ZDHHC11B: variants seen among roughly 807,000 people sequenced by gnomAD.
The protein encoded by ZDHHC11B is zDHHC palmitoyltransferase 11B (putative), also known as probable palmitoyltransferase ZDHHC11B.
A neutral mutation model predicts 42.3 loss-of-function variants in ZDHHC11B; 17 were observed. The ratio of observed to expected loss-of-function variants is 0.40; its 90% CI spans 0.27 to 0.60. The LOEUF (loss-of-function observed/expected upper bound fraction) is 0.60, where lower values mean the gene tolerates loss of function less well. Among genes scored for constraint, ZDHHC11B ranks in the 20% least tolerant of loss-of-function variants. The probability of loss-of-function intolerance (pLI) is 0.41; values close to 1 mark genes in which losing one functional copy is unlikely to be tolerated. For synonymous variants in ZDHHC11B, 123 were observed against 193.5 expected, an observed-to-expected ratio of 0.64 and a Z score of 3.02; for missense variants, 262 against 463.2, an observed-to-expected ratio of 0.57 and a Z score of 3.99.
At chr5:738,630 T>TTCAAA (rs1472491079) in intron 10 of ZDHHC11B, among the ~76,000 whole-genome samples, 1 of 72,938 alleles carries the variant, frequency 1.4e-5, no homozygotes, top group African/African-American at 4.6e-5. Context: ...AGAGAACCCA[T>TTCAAA]AAATAAAGGC....
intron 9 of ZDHHC11B, among the ~76,000 whole-genome samples, chr5:741,939 T>C (rs1744207377): frequency 1.6e-5 from 2 of 123,822 alleles, no homozygotes; most frequent in South Asian, 6.6e-4. Flanking sequence ...GCAATTTCTC[T>C]ACAACTTCAC....
At chr5:736,799 A>T (rs9637833) in intron 10 of ZDHHC11B, among the ~76,000 whole-genome samples, 86,225 of 121,348 alleles carry the variant, frequency 0.71, 27,925 homozygotes, top group Middle Eastern at 0.8. Context: ...TCAAAACCTC[A>T]AGGACACAGC....
intron 10 of ZDHHC11B, among the ~76,000 whole-genome samples, chr5:737,427 G>A (rs1473897607): frequency 6.7e-6 from 1 of 149,254 alleles, no homozygotes; most frequent in African/African-American, 2.5e-5. Context: ...AAAGATAAGA[G>A]GGAATCGTCC....
chr5:719,834 A>C (rs1309927802), intron 12 of ZDHHC11B, among the ~76,000 whole-genome samples: 1 of 151,752 alleles, frequency 6.6e-6, no homozygotes, highest in Non-Finnish European at 1.5e-5. Context: ...AATAATATTA[A>C]ATGGAAAATT....
At chr5:727,590 G>A (rs1227290390) in intron 12 of ZDHHC11B, among the ~76,000 whole-genome samples, 5 of 140,224 alleles carry the variant, frequency 3.6e-5, no homozygotes, top group South Asian at 2.5e-4. Flanking sequence ...AAAACAGCAC[G>A]GTTTAGGACA....
intron 12 of ZDHHC11B, 50 bp downstream of exon 12, chr5:730,384 A>T (rs764071035): frequency 6.4e-7 from 1 of 1,551,896 alleles, no homozygotes; most frequent in African/African-American, 1.4e-5. Flanking sequence ...ATTTGAGTTC[A>T]GGCAAGTGTA....
At chr5:752,092 G>C (rs1745853901) in intron 6 of ZDHHC11B, among the ~76,000 whole-genome samples, 1 of 124,642 alleles carries the variant, frequency 8.0e-6, no homozygotes, top group African/African-American at 2.6e-5. Flanking sequence ...CCCTCAGGGG[G>C]CCCTGAGCAT....
rs184855500 is a variant in ZDHHC11B at position 757,102 on chromosome 5, C to T, written c.223-958G>A. ...TCCTCCTCTCACCCTGGGACAAACA[C>T]AGACTCCCCATGGCAACCAAATAGA... On this transcript the variant is annotated intron_variant, in intron 4 of 13. Transcript: ENST00000508859. 3.9e-5 allele frequency among the ~76,000 whole-genome samples: 6 copies of T among 151,942 alleles called. No homozygotes were observed. In the East Asian group the frequency reaches 1.2e-3, roughly 29 times the overall value.
intron 4 of ZDHHC11B, among the ~76,000 whole-genome samples, chr5:764,768 C>A (rs1735058223): frequency 6.6e-6 from 1 of 151,966 alleles, no homozygotes; most frequent in Non-Finnish European, 1.5e-5. Context: ...GACTGGCAGG[C>A]AGCTCCACCT....
At chr5:761,319 A>T (rs1579403381) in intron 4 of ZDHHC11B, among the ~76,000 whole-genome samples, 3 of 151,846 alleles carry the variant, frequency 2.0e-5, no homozygotes, top group Admixed American at 2.0e-4. Context: ...TCACTGCAGG[A>T]CACCCGGGGC....
chr5:783,277 G>A (rs1432840082), intron 1 of ZDHHC11B, among the ~76,000 whole-genome samples: 135 of 152,298 alleles, frequency 8.9e-4, no homozygotes, highest in Non-Finnish European at 1.5e-3. Context: ...GGAGGCGCTG[G>A]CACCGAGCGG....
At chr5:720,858 C>T (rs183539140) in intron 12 of ZDHHC11B, among the ~76,000 whole-genome samples, 5 of 151,688 alleles carry the variant, frequency 3.3e-5, no homozygotes, top group Admixed American at 1.3e-4. Flanking sequence ...CTCCTGTAAT[C>T]CTAGCCTTTG....
At chr5:776,823 G>A (rs1398321380) in intron 1 of ZDHHC11B, among the ~76,000 whole-genome samples, 2 of 151,812 alleles carry the variant, frequency 1.3e-5, no homozygotes, top group East Asian at 1.9e-4. Context: ...CCTTATTTCA[G>A]AGCCCATTTG....
At chr5:771,273 T>A (rs1736008606) in intron 1 of ZDHHC11B, among the ~76,000 whole-genome samples, 1 of 151,512 alleles carries the variant, frequency 6.6e-6, no homozygotes, top group South Asian at 2.1e-4. Context: ...GAACTTGAGA[T>A]CCCACAAATT....
At chr5:767,066 TC>T (rs1165429954) in intron 3 of ZDHHC11B, 147 bp from the exon 4 acceptor site, 4 of 1,056,284 alleles carry the variant, frequency 3.8e-6, no homozygotes, top group Non-Finnish European at 2.7e-6. Context: ...GGGGCCACGT[TC>T]CCCGCAGAGG....
At chr5:765,191 G>A (rs557188679) in intron 4 of ZDHHC11B, among the ~76,000 whole-genome samples, 2 of 150,858 alleles carry the variant, frequency 1.3e-5, no homozygotes, top group Non-Finnish European at 3.0e-5. Context: ...ATCTGGTGGG[G>A]ACTTGGAGAA....
In ZDHHC11B at chr5:746,468, T is replaced by C. The variant is rs383433; in HGVS notation, c.785-1170A>G. ...TCCTGCTTCCAGGCATCCTGCCTCC[T>C]GCCCACAGCAGCCGCCTGCCTGTCC... On this transcript the variant is annotated intron_variant, in intron 8 of 13. Coordinates refer to ENST00000508859, the MANE Select transcript of ZDHHC11B (RefSeq NM_001351303.2). 6.1e-3 allele frequency among the ~76,000 whole-genome samples: 757 copies of C among 124,638 alleles called. 16 individuals carry two copies. The highest frequency in any genetic ancestry group is 0.022 in the Middle Eastern group (5 of 228). The allele number at this position is 124,638 out of a possible 152,430, so 81.8% of individuals were successfully genotyped here.
At chr5:778,728 C>T (rs1736742288) in intron 1 of ZDHHC11B, among the ~76,000 whole-genome samples, 1 of 151,826 alleles carries the variant, frequency 6.6e-6, no homozygotes, top group Non-Finnish European at 1.5e-5. Flanking sequence ...CTTGGATTAT[C>T]CACAGCTGAG....
At chr5:728,969 T>C (rs1246355599) in intron 12 of ZDHHC11B, among the ~76,000 whole-genome samples, 9 of 148,688 alleles carry the variant, frequency 6.1e-5, no homozygotes, top group Non-Finnish European at 1.5e-5. Flanking sequence ...GCTGAGATTG[T>C]GCCACTGCAC....
Sources: gnomAD v4.1 joint callset for allele counts (sites outside exome capture counted in the v4.1 genomes callset) on GRCh38, gnomAD v4.1.1 for gene constraint, MANE v1.5 for transcripts, NCBI Gene and HGNC (gene_info 2026-07-23, HGNC 2026-07-21) for gene names.